SEMA5A: variants seen among roughly 807,000 people sequenced by gnomAD.
SEMA5A encodes semaphorin-5A.
In SEMA5A, 55 loss-of-function variants were observed where a neutral mutation model predicts 135.5. The observed-to-expected ratio is 0.41, with a 90% confidence interval of 0.33 to 0.51. SEMA5A has a LOEUF of 0.51. SEMA5A is among the 20% of genes least tolerant of loss of function. The probability of loss-of-function intolerance (pLI) is 0.37; values close to 1 mark genes in which losing one functional copy is unlikely to be tolerated. For missense variants in SEMA5A, 1,290 were observed against 1,419.9 expected, an observed-to-expected ratio of 0.91 and a Z score of 1.47; for synonymous variants, 580 against 546.5, an observed-to-expected ratio of 1.06 and a Z score of -0.85.
At chr5:9,341,077 A>G (rs188982811) in intron 3 of SEMA5A, among the ~76,000 whole-genome samples, 3 of 152,214 alleles carry the variant, frequency 2.0e-5, no homozygotes, top group Admixed American at 1.3e-4. Context: ...AAAGCATTAC[A>G]TATTTTTATT....
At position 9,427,938 on chromosome 5, in the gene SEMA5A, T is replaced by C. The variant is rs575685503; in HGVS notation, c.-78+9818A>G. Among the ~76,000 whole-genome samples the C allele has an allele frequency of 2.1e-4, 32 of 152,230 alleles. No homozygotes were observed. In the Middle Eastern group the frequency reaches 0.017, roughly 81 times the overall value. On this transcript the variant is annotated intron_variant, in intron 2 of 22. Transcript: ENST00000382496. ...AATGCAGTAGGGTTTCATCCAATTA[T>C]AAGGCTTTCTCTATCTGTTTCTATA...
chr5:9,528,005 G>T (rs1737229403), intron 1 of SEMA5A, among the ~76,000 whole-genome samples: 2 of 152,258 alleles, frequency 1.3e-5, no homozygotes, highest in Middle Eastern at 3.4e-3. Context: ...TTTGTAATTT[G>T]TAAATATGAC....
intron 1 of SEMA5A, among the ~76,000 whole-genome samples, chr5:9,544,149 C>T (rs549847528): frequency 1.1e-4 from 16 of 152,232 alleles, no homozygotes; most frequent in Admixed American, 9.2e-4. Flanking sequence ...AATAACATAT[C>T]TGCTGATTCC....
intron 14 of SEMA5A, among the ~76,000 whole-genome samples, chr5:9,121,520 T>C (rs1740812544): frequency 6.6e-6 from 1 of 152,240 alleles, no homozygotes; most frequent in Non-Finnish European, 1.5e-5. Flanking sequence ...ATAATCTTCT[T>C]TTTCCATGAA....
chr5:9,305,766 A>G (rs1751841034), intron 5 of SEMA5A, among the ~76,000 whole-genome samples: 1 of 151,654 alleles, frequency 6.6e-6, no homozygotes, highest in African/African-American at 2.4e-5. Flanking sequence ...ATATATACAC[A>G]TACATACATA....
At chr5:9,102,134 A>G (rs907718570) in intron 16 of SEMA5A, among the ~76,000 whole-genome samples, 3 of 152,224 alleles carry the variant, frequency 2.0e-5, no homozygotes, top group Non-Finnish European at 4.4e-5. Context: ...TACAAAGGGA[A>G]CTAACGATTA....
At chr5:9,497,521 G>A (rs149221338) in intron 1 of SEMA5A, among the ~76,000 whole-genome samples, 306 of 152,228 alleles carry the variant, frequency 2.0e-3, no homozygotes, top group Non-Finnish European at 3.4e-3. Flanking sequence ...ACTTGACGTC[G>A]AGTGGCACGG....
At chr5:9,339,271 T>C (rs1753538022) in intron 3 of SEMA5A, among the ~76,000 whole-genome samples, 1 of 152,160 alleles carries the variant, frequency 6.6e-6, no homozygotes, top group Non-Finnish European at 1.5e-5. Flanking sequence ...ATTATTCTTA[T>C]ATGAAAAGAA....
intron 4 of SEMA5A, among the ~76,000 whole-genome samples, chr5:9,330,645 G>A (rs1471434084): frequency 1.3e-5 from 2 of 152,080 alleles, no homozygotes; most frequent in African/African-American, 4.8e-5. Context: ...TGGACAAAAG[G>A]TAACAAAGCC....
chr5:9,120,442 TAATAA>T (rs1309932827), intron 14 of SEMA5A, among the ~76,000 whole-genome samples: 1 of 152,094 alleles, frequency 6.6e-6, no homozygotes, highest in Non-Finnish European at 1.5e-5. Flanking sequence ...CCTAATGATT[TAATAA>T]AATATGTAGT....
At position 9,501,458 on chromosome 5, in the gene SEMA5A, C is replaced by A. The variant is rs770061953; in HGVS notation, c.-175+44126G>T. On this transcript the variant is annotated intron_variant, in intron 1 of 22. Transcript: ENST00000382496. ...TATAAAAACATACACACACATCCTT[C>A]TGAGTTTTTTCCTATGTAGAGAATA... Among the ~76,000 whole-genome samples, 150 of 152,214 alleles carry A rather than the reference C, an allele frequency of 9.9e-4. 1 individual carries two copies. The highest frequency in any genetic ancestry group is 2.4e-4 in the Non-Finnish European group (16 of 68,046).
At chr5:9,337,866 G>T in intron 3 of SEMA5A, 54 bp from the exon 4 acceptor site, 3 of 1,265,998 alleles carry the variant, frequency 2.4e-6, no homozygotes, top group African/African-American at 1.5e-5. Context: ...TTTTTCCTCT[G>T]GGGACCACAG....
chr5:9,183,422 C>G (rs1744633321), intron 11 of SEMA5A, among the ~76,000 whole-genome samples: 1 of 152,172 alleles, frequency 6.6e-6, no homozygotes, highest in Admixed American at 6.5e-5. Context: ...AGCCATATCC[C>G]ACTCCCAGAA....
At chr5:9,353,354 G>A (rs11953655) in intron 3 of SEMA5A, among the ~76,000 whole-genome samples, 5,313 of 53,338 alleles carry the variant, frequency 0.1, 83 homozygotes, top group South Asian at 0.14. Context: ...AAAGGAAAGG[G>A]AAGGAAAGGA....
chr5:9,541,200 T>C (rs2126390353), intron 1 of SEMA5A, among the ~76,000 whole-genome samples: 1 of 152,346 alleles, frequency 6.6e-6, no homozygotes, highest in Admixed American at 6.5e-5. Flanking sequence ...TAGTATTATT[T>C]CACCCACAGA....
chr5:9,208,714 G>GAAAGCCAGGC (rs1376765905), intron 8 of SEMA5A, among the ~76,000 whole-genome samples: 5 of 152,154 alleles, frequency 3.3e-5, no homozygotes, highest in Non-Finnish European at 5.9e-5. Context: ...ACGGGAGGTG[G>GAAAGCCAGGC]AAAGCCAGGC....
intron 2 of SEMA5A, among the ~76,000 whole-genome samples, chr5:9,409,008 G>C (rs1271041002): frequency 2.6e-5 from 4 of 152,034 alleles, no homozygotes; most frequent in Admixed American, 1.3e-4. Flanking sequence ...GCAAATATTT[G>C]TTTTTCACAG....
At chr5:9,270,065 C>T (rs750268950) in intron 5 of SEMA5A, among the ~76,000 whole-genome samples, 15 of 152,076 alleles carry the variant, frequency 9.9e-5, no homozygotes, top group South Asian at 2.1e-4. Context: ...AGGTGGTTTA[C>T]GCAAGCATCT....
intron 5 of SEMA5A, among the ~76,000 whole-genome samples, chr5:9,304,335 C>T (rs148365880): frequency 8.2e-4 from 124 of 151,980 alleles, no homozygotes; most frequent in African/African-American, 3.0e-3. Context: ...TAATTTGTTC[C>T]TTAATAATTT....
Sources: allele counts gnomAD v4.1 joint callset (sites outside exome capture counted in the v4.1 genomes callset), GRCh38; gene constraint gnomAD v4.1.1; transcripts MANE v1.5; gene names NCBI Gene and HGNC (gene_info 2026-07-23, HGNC 2026-07-21).